The following DCDC2 variants were observed in gnomAD, a reference collection of about 807,000 sequenced individuals.
DCDC2 encodes doublecortin domain containing 2, also known as doublecortin domain-containing protein 2.
A neutral mutation model predicts 50.2 loss-of-function variants in DCDC2; 40 were observed. The observed-to-expected ratio is 0.80, with a 90% CI of 0.62 to 1.04. The LOEUF is 1.04. DCDC2 is among the 50% of genes least tolerant of loss of function. The pLI is 0.00. For synonymous variants in DCDC2, 234 were observed against 210.6 expected, an observed-to-expected ratio of 1.11 and a Z score of -0.96; for missense variants, 570 against 581.9, an observed-to-expected ratio of 0.98 and a Z score of 0.21.
the DCDC2 span, among the ~76,000 whole-genome samples, chr6:24,371,304 GA>G: frequency 1.4e-5 from 2 of 140,822 alleles, no homozygotes; most frequent in African/African-American, 2.6e-5. Context: ...GAAAAGAAAA[GA>G]AAAAAAAGAA....
At chr6:24,359,431 A>ATATAT (rs1561789626), upstream of DCDC2, among the ~76,000 whole-genome samples, 8 of 26,098 alleles carry the variant, frequency 3.1e-4, 1 homozygote, top group African/African-American at 1.2e-3. Flanking sequence ...ATATATATTT[A>ATATAT]TATATACTAT....
At chr6:24,244,445 A>G (rs574072150) in intron 7 of DCDC2, among the ~76,000 whole-genome samples, 21 of 152,352 alleles carry the variant, frequency 1.4e-4, no homozygotes, top group African/African-American at 4.8e-4. Flanking sequence ...CCTTTCAACC[A>G]CAAGGGAAGC....
At chr6:24,284,821 CT>C (rs1237528495) in intron 6 of DCDC2, among the ~76,000 whole-genome samples, 2 of 152,052 alleles carry the variant, frequency 1.3e-5, no homozygotes, top group Non-Finnish European at 2.9e-5. Flanking sequence ...ACTTTGTTTC[CT>C]CTGCCTTGGA....
chr6:24,255,147 A>G, intron 7 of DCDC2, among the ~76,000 whole-genome samples: 1 of 152,198 alleles, frequency 6.6e-6, no homozygotes. Flanking sequence ...TAGAGAGAAC[A>G]GAAACTGATT....
chr6:24,228,802 C>T (rs1762284867), intron 7 of DCDC2, among the ~76,000 whole-genome samples: 1 of 152,138 alleles, frequency 6.6e-6, no homozygotes, highest in East Asian at 1.9e-4. Flanking sequence ...GTTTTGTGAG[C>T]TCGTGGTCAC....
intron 4 of DCDC2, 121 bp from the exon 5 acceptor site, chr6:24,291,199 G>T: frequency 1.0e-6 from 1 of 995,282 alleles, no homozygotes; most frequent in Non-Finnish European, 1.5e-6. Context: ...AAAACATTCT[G>T]TACTTAATTT....
Position 24,278,520 on chromosome 6 carries a change from T to C in DCDC2, c.760-309A>G, listed in dbSNP as rs369536067. 7.9e-4 allele frequency among the ~76,000 whole-genome samples: 121 copies of C among 152,334 alleles called. No individual in the cohort carries two copies. In the South Asian group the frequency reaches 0.024, roughly 31 times the overall value. On this transcript the variant is annotated intron_variant, in intron 6 of 9. Transcript: ENST00000378454. ...CCTAGTTACTAGCTCACTAGCCTCA[T>C]GCTAGTGAGATAGACACTACTATTA... is the stretch of plus-strand genomic sequence containing the variant.
chr6:24,228,225 T>A (rs1762271791), intron 7 of DCDC2, among the ~76,000 whole-genome samples: 1 of 152,218 alleles, frequency 6.6e-6, no homozygotes, highest in African/African-American at 2.4e-5. Flanking sequence ...AAGGCTCTTC[T>A]TACTGCAGAC....
At chr6:24,277,039 C>A (rs762743177) in intron 7 of DCDC2, among the ~76,000 whole-genome samples, 1 of 152,170 alleles carries the variant, frequency 6.6e-6, no homozygotes, top group Non-Finnish European at 1.5e-5. Flanking sequence ...CCTCACGTGT[C>A]TTTGTTCTGA....
At chr6:24,371,510 A>T in the DCDC2 span, among the ~76,000 whole-genome samples, 1 of 152,082 alleles carries the variant, frequency 6.6e-6, no homozygotes, top group Non-Finnish European at 1.5e-5. Context: ...TGGGAAGCTG[A>T]GGTGGGAGGC....
At chr6:24,357,299 C>A in intron 1 of DCDC2, 159 bp downstream of exon 1, 1 of 798,920 alleles carries the variant, frequency 1.3e-6, no homozygotes, top group Non-Finnish European at 1.9e-6. Context: ...CAACCTCTAC[C>A]CCCCAACTGC....
intron 7 of DCDC2, among the ~76,000 whole-genome samples, chr6:24,240,323 T>C (rs1762540432): frequency 1.3e-5 from 2 of 152,188 alleles, no homozygotes; most frequent in African/African-American, 4.8e-5. Context: ...GGCTGGAGTA[T>C]TAATTGAACA....
At chr6:24,236,478 G>A (rs753895515) in intron 7 of DCDC2, among the ~76,000 whole-genome samples, 6 of 152,126 alleles carry the variant, frequency 3.9e-5, no homozygotes, top group Non-Finnish European at 8.8e-5. Context: ...TCTGGACATT[G>A]GCCTTGGCAA....
Position 24,220,911 on chromosome 6 carries a change from T to TGAGCGAGA in DCDC2, c.923-15810_923-15809insTCTCGCTC, listed in dbSNP as rs1459047986. ...GAGAGTGAGCGAGCGAGCGAGAGAG[T>TGAGCGAGA]GAGCGAGCGAGCGAGAGCACATGCA... On this transcript the variant is annotated intron_variant, in intron 7 of 9. Transcript: ENST00000378454. Among the ~76,000 whole-genome samples the TGAGCGAGA allele has an allele frequency of 9.6e-5, 12 of 125,386 alleles. No individual in the cohort carries two copies. In the East Asian group the frequency reaches 1.3e-3, roughly 13 times the overall value. 82.3% of individuals were successfully genotyped at this position (125,386 alleles called of 152,430 possible).
chr6:24,181,490 CGGA>C (rs981655321), intron 8 of DCDC2, among the ~76,000 whole-genome samples: 1 of 151,980 alleles, frequency 6.6e-6, no homozygotes, highest in African/African-American at 2.4e-5. Context: ...AAAAACAGAA[CGGA>C]GGAGAATACA....
intron 7 of DCDC2, among the ~76,000 whole-genome samples, chr6:24,259,402 A>T (rs1024246229): frequency 3.3e-5 from 5 of 152,210 alleles, no homozygotes; most frequent in Non-Finnish European, 7.4e-5. Context: ...TGATATTCGC[A>T]GTCACCATTA....
intron 6 of DCDC2, among the ~76,000 whole-genome samples, chr6:24,280,321 T>G (rs1446361111): frequency 3.3e-5 from 5 of 152,134 alleles, no homozygotes; most frequent in Admixed American, 3.3e-4. Flanking sequence ...CAACTGCAAT[T>G]TAAACATACA....
At chr6:24,233,672 C>T (rs189774139) in intron 7 of DCDC2, among the ~76,000 whole-genome samples, 13 of 152,188 alleles carry the variant, frequency 8.5e-5, no homozygotes, top group Admixed American at 2.0e-4. Context: ...GGAAAGAACA[C>T]AGTAATGGAA....
chr6:24,340,830 A>G (rs1760141084), intron 2 of DCDC2, among the ~76,000 whole-genome samples: 1 of 152,128 alleles, frequency 6.6e-6, no homozygotes, highest in Non-Finnish European at 1.5e-5. Context: ...GGCTCAAGCA[A>G]TTCTCCTACC....
Sources: gnomAD v4.1 joint callset for allele counts (sites outside exome capture counted in the v4.1 genomes callset) on GRCh38, gnomAD v4.1.1 for gene constraint, MANE v1.5 for transcripts, NCBI Gene and HGNC (gene_info 2026-07-23, HGNC 2026-07-21) for gene names.